Variants in SCOC observed in about 807,000 individuals in gnomAD.
SCOC encodes short coiled-coil protein.
In SCOC, 7 loss-of-function variants were observed where a neutral mutation model predicts 9.9. That is an observed-to-expected ratio of 0.71 (90% CI 0.40 to 1.33). The LOEUF (loss-of-function observed/expected upper bound fraction) is 1.33, where lower values mean the gene tolerates loss of function less well. SCOC is among the 40% of genes most tolerant of loss of function. The probability of loss-of-function intolerance (pLI) is 0.01; values close to 1 mark genes in which losing one functional copy is unlikely to be tolerated. For synonymous variants in SCOC, 19 were observed against 28.2 expected, an observed-to-expected ratio of 0.67 and a Z score of 1.03; for missense variants, 66 against 89.7, an observed-to-expected ratio of 0.74 and a Z score of 1.07.
intron 1 of SCOC, among the ~76,000 whole-genome samples, chr4:140,289,069 A>G (rs1452480922): frequency 2.6e-5 from 4 of 152,158 alleles, no homozygotes; most frequent in African/African-American, 9.7e-5. Context: ...ACAGACCATT[A>G]ACACAGATGC....
intron 2 of SCOC, among the ~76,000 whole-genome samples, chr4:140,348,900 T>C (rs1726857584): frequency 6.6e-6 from 1 of 152,194 alleles, no homozygotes; most frequent in African/African-American, 2.4e-5. Context: ...ATAATAGCCA[T>C]CCTAACAGTT....
intron 2 of SCOC, among the ~76,000 whole-genome samples, chr4:140,364,189 C>T (rs1490089457): frequency 6.6e-6 from 1 of 151,760 alleles, no homozygotes; most frequent in Non-Finnish European, 1.5e-5. Flanking sequence ...ATAAGAAAGG[C>T]ATACCTACTG....
At chr4:140,331,332 C>T (rs946868650) in intron 1 of SCOC, among the ~76,000 whole-genome samples, 1 of 152,170 alleles carries the variant, frequency 6.6e-6, no homozygotes, top group East Asian at 1.9e-4. Context: ...TTCCAATCCA[C>T]CCTGCTGGAA....
chr4:140,332,632 G>A (rs961123870), intron 1 of SCOC, among the ~76,000 whole-genome samples: 2 of 151,930 alleles, frequency 1.3e-5, no homozygotes, highest in Admixed American at 6.6e-5. Context: ...CTGCCTCAGC[G>A]TCTCAAAGTG....
In SCOC at chr4:140,381,306, A is replaced by G; in HGVS notation, c.*202A>G. 1 of 435,132 alleles carries G rather than the reference A, an allele frequency of 2.3e-6. No individual in the cohort carries two copies. The highest frequency in any genetic ancestry group is 4.1e-6 in the Non-Finnish European group (1 of 243,686). 27.0% of individuals were successfully genotyped at this position (435,132 alleles called of 1,614,324 possible). On this transcript the variant is annotated 3_prime_UTR_variant, in exon 4 of 4. Transcript: ENST00000608372. ...TTAGTCTATGAAAACGTGCAAATGTATTGTAGAGACTTTATGATTAGAATT... is the reference window on the plus strand; with the variant it reads ...TTAGTCTATGAAAACGTGCAAATGTGTTGTAGAGACTTTATGATTAGAATT...
intron 1 of SCOC, among the ~76,000 whole-genome samples, chr4:140,304,643 G>A (rs2126457735): frequency 6.6e-6 from 1 of 152,252 alleles, no homozygotes; most frequent in South Asian, 2.1e-4. Context: ...AACTCAGGCT[G>A]TTCTCTGCAC....
At chr4:140,324,021 T>A (rs908608735) in intron 1 of SCOC, among the ~76,000 whole-genome samples, 11 of 152,124 alleles carry the variant, frequency 7.2e-5, no homozygotes, top group African/African-American at 2.4e-4. Context: ...GAATAGTATA[T>A]AACCAATTGG....
chr4:140,345,543 T>A (rs890842617), intron 2 of SCOC, among the ~76,000 whole-genome samples: 6 of 152,326 alleles, frequency 3.9e-5, no homozygotes, highest in African/African-American at 1.4e-4. Flanking sequence ...TCTTGGGCTT[T>A]GATAACTAAA....
intron 1 of SCOC, among the ~76,000 whole-genome samples, chr4:140,265,238 T>C (rs1181200478): frequency 1.3e-5 from 2 of 152,166 alleles, no homozygotes; most frequent in East Asian, 1.9e-4. Flanking sequence ...ATAATCATAA[T>C]GGTTGTAGTT....
At chr4:140,343,020 A>C (rs2126510747), upstream of SCOC, among the ~76,000 whole-genome samples, 1 of 152,182 alleles carries the variant, frequency 6.6e-6, no homozygotes, top group South Asian at 2.1e-4. Flanking sequence ...TATTTCTTCA[A>C]ATATTTCTTC....
chr4:140,287,849 GACAC>G (rs1731341881), intron 1 of SCOC, among the ~76,000 whole-genome samples: 1 of 151,804 alleles, frequency 6.6e-6, no homozygotes, highest in Non-Finnish European at 1.5e-5. Flanking sequence ...ACATAACTAT[GACAC>G]ACAGACCACA....
chr4:140,273,057 C>G (rs1196840483), intron 1 of SCOC, among the ~76,000 whole-genome samples: 2 of 152,176 alleles, frequency 1.3e-5, no homozygotes, highest in Non-Finnish European at 2.9e-5. Flanking sequence ...CCCACGTGCT[C>G]ATTTTTATCG....
In SCOC at chr4:140,361,221, G is replaced by A. The variant is rs1034832797; in HGVS notation, c.70+17513G>A. 4.5e-5 allele frequency among the ~76,000 whole-genome samples: 3 copies of A among 67,248 alleles called. No individual in the cohort carries two copies. The East Asian group carries it at 1.6e-3, about 35-fold the overall frequency. 44.1% of individuals were successfully genotyped at this position (67,248 alleles called of 152,430 possible). A position where few individuals can be genotyped will look rare whatever the true frequency, so the allele number is the denominator to read the frequency against. On this transcript the variant is annotated intron_variant, in intron 2 of 4. Transcript: ENST00000338517. ...TCTGTCAATGGTCCCTTGCAGCACG[G>A]CAGTGGGTTTTTTTTTTTTTTTCTG...
At chr4:140,340,808 T>TTTTTTTTTTTC (rs140552446), upstream of SCOC, among the ~76,000 whole-genome samples, 8 of 111,814 alleles carry the variant, frequency 7.2e-5, 1 homozygote, top group Admixed American at 1.1e-4. Context: ...TTTTTTTTTT[T>TTTTTTTTTTTC]AGAGGGATAG....
upstream of SCOC, among the ~76,000 whole-genome samples, chr4:140,340,808 T>TTTTTTTTTTTTTTTG (rs140552446): frequency 8.9e-6 from 1 of 111,814 alleles, no homozygotes; most frequent in African/African-American, 3.1e-5. Flanking sequence ...TTTTTTTTTT[T>TTTTTTTTTTTTTTTG]AGAGGGATAG....
chr4:140,347,075 G>A (rs1055437238), intron 2 of SCOC, among the ~76,000 whole-genome samples: 1 of 152,200 alleles, frequency 6.6e-6, no homozygotes, highest in Non-Finnish European at 1.5e-5. Flanking sequence ...AAGTTATGCA[G>A]TGCCCAACAG....
At chr4:140,373,493 C>G (rs776159555), upstream of SCOC, 75 of 1,551,270 alleles carry the variant, frequency 4.8e-5, no homozygotes, top group Non-Finnish European at 6.1e-5. Context: ...AAAGGTGGAT[C>G]CCGGTGCTTT....
intron 1 of SCOC, among the ~76,000 whole-genome samples, chr4:140,319,701 G>T (rs1732441308): frequency 6.6e-6 from 1 of 151,734 alleles, no homozygotes; most frequent in Admixed American, 6.6e-5. Context: ...AATGGTTCTT[G>T]TTAAAGCTCG....
chr4:140,266,379 G>A (rs941879449), intron 1 of SCOC, among the ~76,000 whole-genome samples: 15 of 152,148 alleles, frequency 9.9e-5, no homozygotes, highest in Admixed American at 2.6e-4. Context: ...AGATCAGGGT[G>A]CTAGTATGGT....
Sources: allele counts gnomAD v4.1 joint callset (sites outside exome capture counted in the v4.1 genomes callset), GRCh38; gene constraint gnomAD v4.1.1; transcripts MANE v1.5; gene names NCBI Gene and HGNC (gene_info 2026-07-23, HGNC 2026-07-21).